Variants in RAI14 observed in about 807,000 individuals in gnomAD.
The protein encoded by RAI14 is retinoic acid induced 14.
A neutral mutation model predicts 115.4 loss-of-function variants in RAI14; 45 were observed. That is an observed-to-expected ratio of 0.39 (90% CI 0.31 to 0.50). The LOEUF (loss-of-function observed/expected upper bound fraction) is 0.50. Ranked by LOEUF, RAI14 falls within the 20% of genes least tolerant of loss-of-function variation. RAI14 has a pLI of 0.85. For synonymous variants in RAI14, 371 were observed against 415.4 expected, an observed-to-expected ratio of 0.89 and a Z score of 1.30; for missense variants, 939 against 1,131.2, an observed-to-expected ratio of 0.83 and a Z score of 2.44.
At chr5:34,686,731 A>ATT (rs1744926329) in intron 1 of RAI14, 141 bp from the exon 2 acceptor site, 2 of 416,908 alleles carry the variant, frequency 4.8e-6, no homozygotes, top group Non-Finnish European at 8.5e-6. Flanking sequence ...GAAATATGTT[A>ATT]TTTACCACTC....
Position 34,811,058 on chromosome 5 carries a change from A to C in RAI14, c.497A>C (p.Glu166Ala). ...LLLAVQNGHS[E>A]ICHFLLDHGA... Reference sequence around the variant, plus strand: ...CTTGCTGTACAAAATGGTCACAGTGAGATCTGTCACTTTCTCCTGGATCAT... The same window carrying C: ...CTTGCTGTACAAAATGGTCACAGTGCGATCTGTCACTTTCTCCTGGATCAT... Residue 166 changes from glutamate to alanine, a missense_variant, in exon 8 of 18, where the codon GAG becomes GCG. Glu to Ala is a moderately radical substitution (Grantham distance 107). Transcript: ENST00000265109. 1.9e-6 allele frequency: 3 copies of C among 1,614,098 alleles called. No homozygotes were observed. Among genetic ancestry groups the C allele is most frequent in the Non-Finnish European group, 2.5e-6 (3 of 1,180,000 alleles).
intron 2 of RAI14, among the ~76,000 whole-genome samples, chr5:34,746,167 G>A (rs1352448364): frequency 3.4e-5 from 5 of 145,514 alleles, no homozygotes; most frequent in African/African-American, 1.0e-4. Context: ...GTGCAGCTGC[G>A]CGATCCTGGC....
At chr5:34,657,096 C>T (rs1742330065) in intron 1 of RAI14, 1 of 152,404 alleles carries the variant, frequency 6.6e-6, no homozygotes, top group South Asian at 2.1e-4. Context: ...CTGCCCCTGC[C>T]CCCTACCTTG....
At position 34,824,155 on chromosome 5, in the gene RAI14, ACT is replaced by A; in HGVS notation, c.2316_2317del (p.Leu773ArgfsTer8). 4.3e-6 allele frequency: 7 copies of A among 1,613,862 alleles called. No individual in the cohort carries two copies. Among genetic ancestry groups the A allele is most frequent in the Non-Finnish European group, 5.1e-6 (6 of 1,179,912 alleles). On this transcript the variant is annotated frameshift_variant, in exon 15 of 18. Transcript: ENST00000265109. LOFTEE classifies it high-confidence loss of function. The stretch of plus-strand genomic sequence containing the variant: ...TGGAAGTAGCAAAGCTGGAGAAACA[ACT>A]CTTAGAAGAGAAAGCTGCTATGACT... ...EVEVAKLEKQ[L>X]LEEKAAMTDA...
chr5:34,775,582 A>G (rs1750732907), intron 3 of RAI14, among the ~76,000 whole-genome samples: 1 of 152,206 alleles, frequency 6.6e-6, no homozygotes, highest in South Asian at 2.1e-4. Flanking sequence ...AAATGAATGA[A>G]TGAATGGGCA....
chr5:34,757,718 A>ACAT, intron 3 of RAI14, 120 bp downstream of exon 3: 1 of 1,277,228 alleles, frequency 7.8e-7, no homozygotes, highest in Non-Finnish European at 1.0e-6. Context: ...ATGTTGAAAT[A>ACAT]TGTAAGAAGA....
chr5:34,694,154 A>G (rs752484183), intron 2 of RAI14, among the ~76,000 whole-genome samples: 4 of 152,190 alleles, frequency 2.6e-5, no homozygotes, highest in Admixed American at 2.6e-4. Flanking sequence ...GAAATCTCCT[A>G]GTCTACACAA....
chr5:34,732,309 T>C (rs1467106703), intron 2 of RAI14, among the ~76,000 whole-genome samples: 1 of 152,098 alleles, frequency 6.6e-6, no homozygotes, highest in African/African-American at 2.4e-5. Flanking sequence ...GACTCGACAG[T>C]ATATATAGAA....
Position 34,764,541 on chromosome 5 carries a change from C to T in RAI14, c.167+6943C>T, listed in dbSNP as rs456768. ...CCCAGGAAGCACAGGTGAATTTTCT[C>T]TCTCTCTCTCTCTCTCTCTCTCTCT... On this transcript the variant is annotated intron_variant, in intron 3 of 17. Coordinates refer to ENST00000265109, the MANE Select transcript of RAI14 (RefSeq NM_015577.3). Among the ~76,000 whole-genome samples, 91 of 44,862 alleles carry T rather than the reference C, an allele frequency of 2.0e-3. No homozygotes were observed. In the African/African-American group the frequency reaches 0.029, roughly 14 times the overall value. The allele number at this position is 44,862 out of a possible 152,430, so 29.4% of individuals were successfully genotyped here.
chr5:34,664,054 A>G (rs1246419190), intron 1 of RAI14, among the ~76,000 whole-genome samples: 5 of 152,198 alleles, frequency 3.3e-5, no homozygotes, highest in African/African-American at 1.2e-4. Flanking sequence ...GAAGTTCTTC[A>G]TGATTTGCTA....
Position 34,824,418 on chromosome 5 carries a change from C to T in RAI14, c.2576C>T (p.Ala859Val). ...VNELLQKFQQ[A>V]QEELAEMKRY... ...GAACTTCTGCAAAAATTCCAGCAAGCTCAGGAAGAACTTGCAGAAATGAAA... is the reference window on the plus strand; with the variant it reads ...GAACTTCTGCAAAAATTCCAGCAAGTTCAGGAAGAACTTGCAGAAATGAAA... The change falls in exon 15 of 18, where the codon GCT becomes GTT. Residue 859 changes from alanine (A) to valine (V), a missense_variant. Ala to Val is a moderately conservative substitution (Grantham distance 64). Coordinates refer to ENST00000265109, the MANE Select transcript of RAI14 (RefSeq NM_015577.3). 1 of 1,607,662 alleles carries T rather than the reference C, an allele frequency of 6.2e-7. No homozygotes were observed. Among genetic ancestry groups the T allele is most frequent in the Non-Finnish European group, 8.5e-7 (1 of 1,175,308 alleles).
At chr5:34,812,156 T>G (rs773730007) in intron 9 of RAI14, 24 bp from the exon 10 acceptor site, 7 of 1,554,954 alleles carry the variant, frequency 4.5e-6, no homozygotes, top group Non-Finnish European at 6.2e-6. Context: ...CTTATAGTTC[T>G]TTTTTTCACT....
chr5:34,726,910 A>G (rs73072594), intron 2 of RAI14, among the ~76,000 whole-genome samples: 42,457 of 152,076 alleles, frequency 0.28, 6,064 homozygotes, highest in African/African-American at 0.34. Context: ...TTAGCAGCAT[A>G]AGAACAGACT....
At chr5:34,786,781 G>A (rs2150178745) in intron 3 of RAI14, among the ~76,000 whole-genome samples, 1 of 152,320 alleles carries the variant, frequency 6.6e-6, no homozygotes, top group Non-Finnish European at 1.5e-5. Context: ...CCCTAACCCA[G>A]CAGTGCTAGA....
chr5:34,792,228 C>CTT (rs1580275086), intron 3 of RAI14, among the ~76,000 whole-genome samples: 4 of 101,608 alleles, frequency 3.9e-5, no homozygotes, highest in African/African-American at 1.3e-4. Context: ...CTTTTCTTTT[C>CTT]TTTTTTCTTT....
chr5:34,825,013 G>A (rs1016473832), intron 15 of RAI14, among the ~76,000 whole-genome samples: 8 of 151,536 alleles, frequency 5.3e-5, no homozygotes, highest in African/African-American at 1.9e-4. Context: ...CATCTGCTGG[G>A]CATAGTGGCT....
At chr5:34,737,770 A>G (rs1284817409) in intron 2 of RAI14, among the ~76,000 whole-genome samples, 1 of 152,052 alleles carries the variant, frequency 6.6e-6, no homozygotes, top group African/African-American at 2.4e-5. Flanking sequence ...AAAACAAAAA[A>G]CAAAACCAAA....
chr5:34,828,488 C>T (rs1434825808), intron 16 of RAI14, among the ~76,000 whole-genome samples: 3 of 152,058 alleles, frequency 2.0e-5, no homozygotes, highest in Admixed American at 1.3e-4. Flanking sequence ...GGGAACAACA[C>T]AGAGAAATGC....
intron 1 of RAI14, among the ~76,000 whole-genome samples, chr5:34,665,312 C>T (rs1743121481): frequency 6.7e-6 from 1 of 148,790 alleles, no homozygotes; most frequent in South Asian, 2.1e-4. Flanking sequence ...GATAATAACT[C>T]TAAAACTAAC....
Sources: allele counts gnomAD v4.1 joint callset (sites outside exome capture counted in the v4.1 genomes callset), GRCh38; gene constraint gnomAD v4.1.1; transcripts MANE v1.5; gene names NCBI Gene and HGNC (gene_info 2026-07-23, HGNC 2026-07-21).